PITPNA: variants seen among roughly 807,000 people sequenced by gnomAD.
The protein encoded by PITPNA is phosphatidylinositol transfer protein alpha.
A neutral mutation model predicts 50.3 loss-of-function variants in PITPNA; 13 were observed. The observed-to-expected ratio is 0.26, with a 90% CI of 0.17 to 0.41. The LOEUF (loss-of-function observed/expected upper bound fraction) is 0.41, where lower values mean the gene tolerates loss of function less well. PITPNA is among the 10% of genes least tolerant of loss of function. The pLI, the probability that PITPNA is intolerant of heterozygous loss-of-function variation, is 1.00. For synonymous variants in PITPNA, 120 were observed against 119.6 expected (o/e 1.00, Z -0.02); for missense variants, 207 against 333.4 (o/e 0.62, Z 2.95).
At chr17:1,545,519 T>C (rs749799161) in intron 4 of PITPNA, among the ~76,000 whole-genome samples, 46 of 152,308 alleles carry the variant, frequency 3.0e-4, no homozygotes, top group Non-Finnish European at 5.6e-4. Flanking sequence ...GTATCCTGAA[T>C]AGGAGGTCAG....
At chr17:1,541,944 C>A (rs901786702) in intron 5 of PITPNA, among the ~76,000 whole-genome samples, 3 of 151,918 alleles carry the variant, frequency 2.0e-5, no homozygotes, top group African/African-American at 7.3e-5. Flanking sequence ...TCACGCCTGT[C>A]ATCTCAGCAC....
intron 7 of PITPNA, among the ~76,000 whole-genome samples, chr17:1,536,578 C>T (rs1003135148): frequency 4.0e-5 from 6 of 149,270 alleles, no homozygotes; most frequent in East Asian, 2.0e-4. Flanking sequence ...CGTGAGCCAC[C>T]GCGCCCTGCC....
At position 1,519,179 on chromosome 17, in the gene PITPNA, C is replaced by G. The variant is rs1049891531; in HGVS notation, c.*1382G>C. 6.6e-6 allele frequency: 1 copy of G among 152,536 alleles called. No homozygotes were observed. Among genetic ancestry groups the G allele is most frequent in the South Asian group, 2.1e-4 (1 of 4,822 alleles). 9.4% of individuals were successfully genotyped at this position (152,536 alleles called of 1,614,324 possible). On this transcript the variant is annotated 3_prime_UTR_variant, in exon 12 of 12. Transcript: ENST00000313486. ...ATTCTCCCACCCACTTCTTGCTTCC[C>G]GGACAAAGATTTGGTCTCCCATTAG...
At chr17:1,529,152 A>AG (rs1361776903) in intron 10 of PITPNA, among the ~76,000 whole-genome samples, 4 of 108,834 alleles carry the variant, frequency 3.7e-5, no homozygotes, top group African/African-American at 8.3e-5. Flanking sequence ...AAAAAAAAAA[A>AG]AAAAGAGAGA....
At position 1,535,059 on chromosome 17, in the gene PITPNA, G is replaced by GCA. The variant is rs530460274; in HGVS notation, c.645+121_645+122dup. ...ATGAAGTTCTCCACCACCCCCCACC[G>GCA]CACACACACGCAGTCACTGGGAAGG... On this transcript the variant is annotated intron_variant, in intron 9 of 11. Coordinates refer to ENST00000313486, the MANE Select transcript of PITPNA (RefSeq NM_006224.4). 3.5e-4 allele frequency: 225 copies of GCA among 636,006 alleles called. 1 individual carries two copies. In the African/African-American group the frequency reaches 3.8e-3, roughly 11 times the overall value. The allele number at this position is 636,006 out of a possible 1,614,324, so 39.4% of individuals were successfully genotyped here. A position where few individuals can be genotyped will look rare whatever the true frequency, so the allele number is the denominator to read the frequency against.
At chr17:1,529,925 T>C (rs1225275497) in intron 10 of PITPNA, among the ~76,000 whole-genome samples, 2 of 152,166 alleles carry the variant, frequency 1.3e-5, no homozygotes, top group Non-Finnish European at 2.9e-5. Context: ...CTGAATCTCA[T>C]TATCTAAAGA....
intron 10 of PITPNA, among the ~76,000 whole-genome samples, chr17:1,532,409 T>G (rs202055496): frequency 0.15 from 22,663 of 152,046 alleles, 1,930 homozygotes; most frequent in African/African-American, 0.23. Context: ...CAAAAGGGTC[T>G]GAGAGATTAA....
intron 2 of PITPNA, 47 bp from the exon 3 acceptor site, chr17:1,553,196 C>G: frequency 6.2e-7 from 1 of 1,601,540 alleles, no homozygotes; most frequent in Non-Finnish European, 8.5e-7. Context: ...CCCTTCTCAA[C>G]GGTTACACGT....
intron 7 of PITPNA, among the ~76,000 whole-genome samples, chr17:1,537,810 T>A (rs1162851250): frequency 6.6e-6 from 1 of 152,120 alleles, no homozygotes; most frequent in East Asian, 1.9e-4. Flanking sequence ...TTTGTGTGTG[T>A]GTGTGTGTGA....
intron 4 of PITPNA, among the ~76,000 whole-genome samples, chr17:1,546,383 A>T (rs2075674344): frequency 6.6e-6 from 1 of 152,180 alleles, no homozygotes. Flanking sequence ...ATCTCCTGAT[A>T]CAAGGTCCCT....
chr17:1,560,241 C>T (rs921276498), intron 1 of PITPNA, among the ~76,000 whole-genome samples: 3 of 152,210 alleles, frequency 2.0e-5, no homozygotes, highest in African/African-American at 4.8e-5. Context: ...GGAACAAAAC[C>T]ACTTCGGCAG....
chr17:1,524,322 G>A (rs1253973964), intron 10 of PITPNA, among the ~76,000 whole-genome samples: 1 of 149,682 alleles, frequency 6.7e-6, no homozygotes, highest in Non-Finnish European at 1.5e-5. Context: ...GGGATTACAG[G>A]CGTGAGCCAT....
chr17:1,546,913 T>C (rs1190852547), intron 4 of PITPNA, among the ~76,000 whole-genome samples: 1 of 152,220 alleles, frequency 6.6e-6, no homozygotes, highest in East Asian at 1.9e-4. Flanking sequence ...ATTATACCTG[T>C]ATCCTCAATT....
At chr17:1,543,293 A>G (rs1318736021) in intron 4 of PITPNA, among the ~76,000 whole-genome samples, 1 of 152,150 alleles carries the variant, frequency 6.6e-6, no homozygotes, top group Non-Finnish European at 1.5e-5. Flanking sequence ...GATTCTTTTC[A>G]GCAGGGCACT....
intron 4 of PITPNA, among the ~76,000 whole-genome samples, chr17:1,547,805 G>A (rs1282012652): frequency 6.6e-6 from 1 of 152,012 alleles, no homozygotes; most frequent in Non-Finnish European, 1.5e-5. Flanking sequence ...ACCAGCCTGG[G>A]CAACATGGTG....
intron 5 of PITPNA, among the ~76,000 whole-genome samples, chr17:1,542,695 G>A (rs924509189): frequency 3.3e-5 from 5 of 152,212 alleles, no homozygotes; most frequent in Non-Finnish European, 7.3e-5. Context: ...AGATGGGGAA[G>A]GGATGTCGGT....
chr17:1,542,941 G>A (rs2075655006), intron 5 of PITPNA, 79 bp downstream of exon 5: 1 of 1,096,260 alleles, frequency 9.1e-7, no homozygotes, highest in Non-Finnish European at 1.4e-6. Flanking sequence ...GAACACCCAA[G>A]ACCACCAGTG....
At chr17:1,542,461 A>G (rs1360186579) in intron 5 of PITPNA, among the ~76,000 whole-genome samples, 1 of 152,174 alleles carries the variant, frequency 6.6e-6, no homozygotes, top group Non-Finnish European at 1.5e-5. Flanking sequence ...TGCTTCTTAA[A>G]AATTGGAACT....
chr17:1,562,212 G>A lies in PITPNA; in HGVS notation c.20+329C>T, dbSNP rs989203644. 4.7e-4 allele frequency among the ~76,000 whole-genome samples: 71 copies of A among 152,044 alleles called. No individual in the cohort carries two copies. Among genetic ancestry groups the A allele is most frequent in the African/African-American group, 1.6e-3 (66 of 41,482 alleles). ...GGGGCGCCTGAGGAGCCGTCCGCCCGGGTTGTCCCTCCGTGCCCGTGGGCC... is the reference window on the plus strand; with the variant it reads ...GGGGCGCCTGAGGAGCCGTCCGCCCAGGTTGTCCCTCCGTGCCCGTGGGCC... On this transcript the variant is annotated intron_variant, in intron 1 of 11. Coordinates refer to ENST00000313486, the MANE Select transcript of PITPNA (RefSeq NM_006224.4). The surrounding 1 kb of genome is among the most constrained non-coding windows in gnomAD (Gnocchi z 6.4).
Sources: gnomAD v4.1 joint callset for allele counts (sites outside exome capture counted in the v4.1 genomes callset) on GRCh38, gnomAD v4.1.1 for gene constraint, Gnocchi (gnomAD v3.1) non-coding constraint, MANE v1.5 for transcripts, NCBI Gene and HGNC (gene_info 2026-07-23, HGNC 2026-07-21) for gene names.